Variants in CBX7 observed in about 807,000 individuals in gnomAD.
The protein encoded by CBX7 is chromobox 7, also known as chromobox protein homolog 7.
A neutral mutation model predicts 31.4 loss-of-function variants in CBX7; 14 were observed. The observed-to-expected ratio is 0.45, with a 90% CI of 0.29 to 0.70. The LOEUF (loss-of-function observed/expected upper bound fraction) is 0.70, where lower values mean the gene tolerates loss of function less well. Among genes scored for constraint, CBX7 ranks in the 30% least tolerant of loss-of-function variants. CBX7 has a pLI of 0.11. For synonymous variants in CBX7, 159 were observed against 152.6 expected (o/e 1.04, Z -0.31); for missense variants, 269 against 351.9 (o/e 0.76, Z 1.89).
intron 2 of CBX7, among the ~76,000 whole-genome samples, chr22:39,144,170 GC>G (rs1350808317): frequency 6.6e-6 from 1 of 152,190 alleles, no homozygotes; most frequent in Non-Finnish European, 1.5e-5. Context: ...ACGACAGAAT[GC>G]TCGCCTCCTT....
Position 39,133,639 on chromosome 22 carries a change from C to A in CBX7, c.*252G>T. The A allele has an allele frequency of 2.6e-6, 1 of 386,440 alleles. No homozygotes were observed. The allele number at this position is 386,440 out of a possible 1,614,324, so 23.9% of individuals were successfully genotyped here. A position where few individuals can be genotyped will look rare whatever the true frequency, so the allele number is the denominator to read the frequency against. ...AATGGTGGTGTCCCGGGCAGGTGAT[C>A]CTGTCCCCATCCTGCCCTGGGGGTG... On this transcript the variant is annotated 3_prime_UTR_variant, in exon 6 of 6. Transcript: ENST00000216133.
chr22:39,142,131 G>T (rs1436904499), intron 2 of CBX7, among the ~76,000 whole-genome samples: 2 of 152,144 alleles, frequency 1.3e-5, no homozygotes, highest in South Asian at 4.1e-4. Context: ...CTAGCTGTGC[G>T]ACCTTGAGCA....
At chr22:39,135,181 G>A (rs1382981900) in intron 4 of CBX7, 2 of 166,924 alleles carry the variant, frequency 1.2e-5, no homozygotes, top group Admixed American at 1.2e-4. Context: ...AGAGGGCCAA[G>A]GTGTGCTCTT....
At chr22:39,149,752 G>A (rs1483399530) in intron 2 of CBX7, 37 bp downstream of exon 2, 3 of 1,604,106 alleles carry the variant, frequency 1.9e-6, no homozygotes, top group Non-Finnish European at 2.6e-6. Context: ...TGGGTCGGTA[G>A]GCAGACAGAC....
chr22:39,152,531 T>C lies in CBX7; in HGVS notation c.-87A>G. 1 of 546,972 alleles carries C rather than the reference T, an allele frequency of 1.8e-6. No individual in the cohort carries two copies. Among genetic ancestry groups the C allele is most frequent in the Non-Finnish European group, 2.3e-6 (1 of 430,460 alleles). 33.9% of individuals were successfully genotyped at this position (546,972 alleles called of 1,614,324 possible). ...CGGCTGCGGCGCGCGATGCTGGGGC[T>C]GGCGGGGTCCCCGTCACCCTCGTCC... On this transcript the variant is annotated 5_prime_UTR_variant, in exon 1 of 6. Transcript: ENST00000216133. This position sits in a 1 kb window ranked among gnomAD's most constrained non-coding sequence, Gnocchi z 4.9.
chr22:39,134,268 G>C (rs1930158683), intron 5 of CBX7, 133 bp downstream of exon 5: 5 of 901,440 alleles, frequency 5.5e-6, no homozygotes, highest in Non-Finnish European at 8.2e-6. Flanking sequence ...CTGGGCTAGT[G>C]TTGGGCCCTG....
At chr22:39,151,478 A>G (rs1930849937) in intron 1 of CBX7, among the ~76,000 whole-genome samples, 1 of 152,190 alleles carries the variant, frequency 6.6e-6, no homozygotes, top group South Asian at 2.1e-4. Context: ...CCTGGGCCTC[A>G]GTTTTTGTCT....
chr22:39,134,956 G>T, intron 4 of CBX7: 1 of 553,784 alleles, frequency 1.8e-6, no homozygotes, highest in East Asian at 3.0e-5. Context: ...GGCCAGCTCA[G>T]CCCTGCCTCT....
At chr22:39,147,623 C>G (rs1169753294) in intron 2 of CBX7, 1 of 151,884 alleles carries the variant, frequency 6.6e-6, no homozygotes, top group Admixed American at 6.6e-5. Context: ...CAGAGTGAAC[C>G]TCTGTTTCCC....
At chr22:39,141,264 G>A (rs1451346475) in intron 3 of CBX7, 107 bp downstream of exon 3, 6 of 913,964 alleles carry the variant, frequency 6.6e-6, no homozygotes, top group African/African-American at 5.0e-5. Context: ...CTGCCCCATC[G>A]GACACCCCTG....
At chr22:39,151,715 G>A (rs1233090756) in intron 1 of CBX7, among the ~76,000 whole-genome samples, 1 of 152,204 alleles carries the variant, frequency 6.6e-6, no homozygotes, top group Non-Finnish European at 1.5e-5. Context: ...GTGGGGTTCT[G>A]AAACCAGCAG....
At chr22:39,135,866 G>C (rs1053784041) in intron 4 of CBX7, 2 of 152,194 alleles carry the variant, frequency 1.3e-5, no homozygotes, top group African/African-American at 4.8e-5. Flanking sequence ...GAGGCAGCTG[G>C]ATCACCAGAG....
chr22:39,136,668 A>G (rs568651455), intron 4 of CBX7: 1 of 152,494 alleles, frequency 6.6e-6, no homozygotes. Context: ...AGAACCAGCT[A>G]GCACAATTCC....
At chr22:39,142,908 G>A (rs146549461) in intron 2 of CBX7, among the ~76,000 whole-genome samples, 1 of 152,224 alleles carries the variant, frequency 6.6e-6, no homozygotes, top group East Asian at 1.9e-4. Flanking sequence ...AGGCCAATGT[G>A]TGTGTTTGTG....
intron 4 of CBX7, chr22:39,136,502 G>T (rs957715915): frequency 8.5e-5 from 13 of 152,350 alleles, no homozygotes; most frequent in African/African-American, 3.1e-4. Context: ...CTCTGGAGAG[G>T]TCCACATGGT....
rs369758795 is a variant in CBX7, at chr22:39,134,027, C to T, written c.620G>A (p.Gly207Glu). Residue 207 changes from glycine to glutamate, a missense_variant, in exon 6 of 6, where the codon GGG becomes GAG. Physicochemically the swap from Gly to Glu is moderately conservative, Grantham distance 98. This residue lies in a region of CBX7 where 222 missense variants were observed against 240.4 expected (regional missense o/e 0.92). Transcript: ENST00000216133. ...EEEADADLAE[G>E]PPPWTPALPS... ...GAGCGCAGGTGTCCAGGGAGGGGGC[C>T]CCTCGGCCAGGTCGGCATCTGCTGC... is the stretch of plus-strand genomic sequence containing the variant. 1.8e-5 allele frequency: 29 copies of T among 1,604,068 alleles called. No individual in the cohort carries two copies. The highest frequency in any genetic ancestry group is 2.3e-5 in the Non-Finnish European group (27 of 1,173,718).
intron 2 of CBX7, among the ~76,000 whole-genome samples, chr22:39,143,471 G>C (rs1269975930): frequency 2.6e-5 from 4 of 152,160 alleles, no homozygotes; most frequent in African/African-American, 7.2e-5. Flanking sequence ...GTTACTATAA[G>C]CTCAGGTTAA....
rs1930903904 is a variant in CBX7, at chr22:39,152,558, G to GGCGCGCACGCGC, written c.-126_-115dup. On this transcript the variant is annotated 5_prime_UTR_variant, in exon 1 of 6. Transcript: ENST00000216133. The surrounding 1 kb of genome is among the most constrained non-coding windows in gnomAD (Gnocchi z 4.9). ...GCGGGGTCCCCGTCACCCTCGTCCG[G>GGCGCGCACGCGC]GCGCGCACGCGCACGCGCACGCGCG... The GGCGCGCACGCGC allele has an allele frequency of 3.3e-6, 1 of 302,674 alleles. No homozygotes were observed. Among genetic ancestry groups the GGCGCGCACGCGC allele is most frequent in the African/African-American group, 2.3e-5 (1 of 43,782 alleles). The allele number at this position is 302,674 out of a possible 1,614,324, so 18.7% of individuals were successfully genotyped here.
At chr22:39,141,956 G>A (rs1427004818) in intron 2 of CBX7, among the ~76,000 whole-genome samples, 1 of 152,156 alleles carries the variant, frequency 6.6e-6, no homozygotes, top group African/African-American at 2.4e-5. Flanking sequence ...TCTACAATGT[G>A]ACTGGGTCCA....
Sources: gnomAD v4.1 joint callset for allele counts (sites outside exome capture counted in the v4.1 genomes callset) on GRCh38, gnomAD v4.1.1 for gene constraint, gnomAD v4.1.1 regional missense constraint, Gnocchi (gnomAD v3.1) non-coding constraint, MANE v1.5 for transcripts, NCBI Gene and HGNC (gene_info 2026-07-23, HGNC 2026-07-21) for gene names.